DOCK3: variants seen among roughly 807,000 people sequenced by gnomAD.
The protein encoded by DOCK3 is dedicator of cytokinesis protein 3.
In DOCK3, 60 loss-of-function variants were observed where a neutral mutation model predicts 265.6. The observed-to-expected ratio is 0.23, with a 90% CI of 0.18 to 0.28. The LOEUF (loss-of-function observed/expected upper bound fraction) is 0.28. DOCK3 is among the 10% of genes least tolerant of loss of function. DOCK3 has a pLI of 1.00. For synonymous variants in DOCK3, 881 were observed against 938.0 expected (o/e 0.94, Z 1.11); for missense variants, 1,981 against 2,594.3 (o/e 0.76, Z 5.14).
chr3:51,332,865 G>T (rs776149733), intron 33 of DOCK3, 136 bp from the exon 34 acceptor site: 47 of 1,047,854 alleles, frequency 4.5e-5, no homozygotes, highest in Middle Eastern at 2.3e-4. Context: ...GCCTAAGGTG[G>T]CTGGAGCCGA....
intron 14 of DOCK3, among the ~76,000 whole-genome samples, chr3:51,218,594 G>T (rs886399416): frequency 9.2e-5 from 14 of 152,090 alleles, no homozygotes; most frequent in African/African-American, 3.4e-4. Context: ...GAAATAAAGG[G>T]CTTTGTCGTG....
intron 5 of DOCK3, among the ~76,000 whole-genome samples, chr3:50,965,292 T>C (rs543850661): frequency 6.6e-6 from 1 of 152,228 alleles, no homozygotes; most frequent in East Asian, 1.9e-4. Flanking sequence ...AGGATGCAGC[T>C]AAAGCAGTAG....
chr3:50,840,203 C>T (rs1315522023), intron 2 of DOCK3, among the ~76,000 whole-genome samples: 1 of 152,176 alleles, frequency 6.6e-6, no homozygotes, highest in Non-Finnish European at 1.5e-5. Flanking sequence ...ATGCCTTTCA[C>T]AGAGGAGTTT....
intron 2 of DOCK3, among the ~76,000 whole-genome samples, chr3:50,783,996 T>C (rs1189111825): frequency 2.0e-5 from 3 of 151,868 alleles, no homozygotes; most frequent in Non-Finnish European, 4.4e-5. Flanking sequence ...ACCTCCCGAG[T>C]AGCTGAGATT....
intron 27 of DOCK3, among the ~76,000 whole-genome samples, chr3:51,295,996 A>T (rs1184559361): frequency 6.6e-6 from 1 of 152,166 alleles, no homozygotes; most frequent in Admixed American, 6.6e-5. Context: ...ACTGACAACT[A>T]TGCCTGGCTA....
At chr3:51,301,642 T>C (rs2082365419) in intron 27 of DOCK3, among the ~76,000 whole-genome samples, 1 of 152,118 alleles carries the variant, frequency 6.6e-6, no homozygotes, top group Non-Finnish European at 1.5e-5. Context: ...AACTTCTTGA[T>C]TTTGGTTTTA....
chr3:51,144,046 G>A (rs2085186137), intron 9 of DOCK3, among the ~76,000 whole-genome samples: 1 of 152,154 alleles, frequency 6.6e-6, no homozygotes, highest in Admixed American at 6.5e-5. Context: ...TTATAAGCAA[G>A]GGTCAAGGCT....
rs58348534 is a variant in DOCK3 at position 50,705,985 on chromosome 3, C to T, written c.37+30685C>T. Among the ~76,000 whole-genome samples, 1,164 of 151,896 alleles carry T rather than the reference C, an allele frequency of 7.7e-3. 18 individuals are homozygous for T. Among genetic ancestry groups the T allele is most frequent in the African/African-American group, 0.027 (1,119 of 41,432 alleles). ...GGCAGAGGTTGCAGTAAGCCAAGAT[C>T]GTACCACTGCACTCCAACCTGAGCG... On this transcript the variant is annotated intron_variant, in intron 1 of 52. Transcript: ENST00000266037.
intron 12 of DOCK3, among the ~76,000 whole-genome samples, chr3:51,201,478 T>A (rs891806520): frequency 3.3e-5 from 5 of 152,182 alleles, no homozygotes; most frequent in African/African-American, 1.2e-4. Context: ...CTAACTATCC[T>A]AAATATATAT....
intron 5 of DOCK3, among the ~76,000 whole-genome samples, chr3:50,968,706 C>T (rs1032224892): frequency 1.3e-5 from 2 of 152,054 alleles, no homozygotes; most frequent in African/African-American, 4.8e-5. Context: ...TGCACCACCA[C>T]GCCCAGCTAA....
At chr3:51,081,638 G>C (rs1284363920) in intron 7 of DOCK3, among the ~76,000 whole-genome samples, 1 of 152,136 alleles carries the variant, frequency 6.6e-6, no homozygotes, top group East Asian at 1.9e-4. Context: ...GCTCACGCCT[G>C]TAATCCCAGC....
intron 2 of DOCK3, among the ~76,000 whole-genome samples, chr3:50,799,037 T>A (rs1486403069): frequency 6.6e-6 from 1 of 152,234 alleles, no homozygotes; most frequent in Non-Finnish European, 1.5e-5. Flanking sequence ...GCTATAGATA[T>A]GTGCATTAAT....
At chr3:50,828,154 C>G (rs1045994344) in intron 2 of DOCK3, among the ~76,000 whole-genome samples, 6 of 152,070 alleles carry the variant, frequency 3.9e-5, no homozygotes, top group Non-Finnish European at 7.4e-5. Context: ...GCCTCGAACT[C>G]CGGACCTCAA....
intron 51 of DOCK3, among the ~76,000 whole-genome samples, chr3:51,377,538 A>G (rs1173165997): frequency 6.6e-6 from 1 of 152,208 alleles, no homozygotes; most frequent in Non-Finnish European, 1.5e-5. Context: ...GACAGTTGTT[A>G]ATGGTGAGGG....
chr3:51,150,253 GT>G, intron 10 of DOCK3, among the ~76,000 whole-genome samples: 1 of 152,014 alleles, frequency 6.6e-6, no homozygotes, highest in East Asian at 1.9e-4. Context: ...CTTGCTAGCG[GT>G]TTATCAATTT....
chr3:51,014,157 C>T (rs2079061265), intron 5 of DOCK3, among the ~76,000 whole-genome samples: 1 of 152,154 alleles, frequency 6.6e-6, no homozygotes, highest in East Asian at 1.9e-4. Context: ...TCAGCTCGCC[C>T]TCCGTCAGCT....
In DOCK3 at chr3:51,007,620, T is replaced by A. The variant is rs904835445; in HGVS notation, c.316-56828T>A. Among the ~76,000 whole-genome samples, 189 of 152,300 alleles carry A rather than the reference T, an allele frequency of 1.2e-3. 1 individual carries two copies. The highest frequency in any genetic ancestry group is 4.4e-3 in the African/African-American group (182 of 41,542). On this transcript the variant is annotated intron_variant, in intron 5 of 52. Coordinates refer to ENST00000266037, the MANE Select transcript of DOCK3 (RefSeq NM_004947.5). ...CTTTTGCTGTGCAGAAGCTCTTTAG[T>A]TTAATTAGATCCCATTTGTCAATTT...
chr3:51,213,381 C>A (rs183061163), intron 13 of DOCK3, among the ~76,000 whole-genome samples: 22 of 152,148 alleles, frequency 1.4e-4, no homozygotes, highest in African/African-American at 5.3e-4. Flanking sequence ...CAGCGGGGAC[C>A]CTCAGGAGGG....
chr3:50,689,846 G>A (rs1576104428), intron 1 of DOCK3, among the ~76,000 whole-genome samples: 1 of 152,118 alleles, frequency 6.6e-6, no homozygotes, highest in Admixed American at 6.5e-5. Context: ...GGTTCCTAAC[G>A]GGGATAAAGC....
Sources: gnomAD v4.1 joint callset for allele counts (sites outside exome capture counted in the v4.1 genomes callset) on GRCh38, gnomAD v4.1.1 for gene constraint, MANE v1.5 for transcripts, NCBI Gene and HGNC (gene_info 2026-07-23, HGNC 2026-07-21) for gene names.